The following DSG4 variants were observed in gnomAD, a reference collection of about 807,000 sequenced individuals.
The protein encoded by DSG4 is desmoglein-4.
In DSG4, 87 loss-of-function variants were observed where a neutral mutation model predicts 93.1. The observed-to-expected ratio is 0.93, with a 90% confidence interval of 0.79 to 1.12. The LOEUF (loss-of-function observed/expected upper bound fraction) is 1.12. Ranked by LOEUF, DSG4 falls within the 50% of genes most tolerant of loss-of-function variation. DSG4 has a pLI of 0.00. For synonymous variants in DSG4, 432 were observed against 452.9 expected (o/e 0.95, Z 0.59); for missense variants, 1,373 against 1,285.7 (o/e 1.07, Z -1.04).
At chr18:31,386,376 G>C (rs1016161170) in intron 2 of DSG4, among the ~76,000 whole-genome samples, 2 of 152,054 alleles carry the variant, frequency 1.3e-5, no homozygotes, top group African/African-American at 4.8e-5. Flanking sequence ...GCTCCTATAT[G>C]GTGAAGATAG....
chr18:31,387,913 C>G (rs1329734189), intron 3 of DSG4, among the ~76,000 whole-genome samples: 2 of 152,098 alleles, frequency 1.3e-5, no homozygotes, highest in Non-Finnish European at 2.9e-5. Flanking sequence ...TTACAAATAT[C>G]TCTAACCATT....
intron 12 of DSG4, among the ~76,000 whole-genome samples, chr18:31,408,870 CAAAT>C (rs2072455271): frequency 6.6e-6 from 1 of 152,144 alleles, no homozygotes; most frequent in Admixed American, 6.5e-5. Context: ...ATTAGGGTAA[CAAAT>C]AGGAAATTTC....
chr18:31,404,368 T>C (rs991097960), intron 11 of DSG4, among the ~76,000 whole-genome samples: 17 of 152,342 alleles, frequency 1.1e-4, no homozygotes, highest in African/African-American at 2.6e-4. Context: ...AAATTAAGAA[T>C]AAATTTCAGA....
At chr18:31,388,833 C>G in intron 4 of DSG4, 41 bp from the exon 5 acceptor site, 1 of 1,612,910 alleles carries the variant, frequency 6.2e-7, no homozygotes, top group Non-Finnish European at 8.5e-7. Flanking sequence ...TACTAAAATT[C>G]CTTTGGTGGA....
At position 31,405,039 on chromosome 18, in the gene DSG4, C is replaced by T. The variant is rs537476958; in HGVS notation, c.1637-1038C>T. On this transcript the variant is annotated intron_variant, in intron 11 of 15. Coordinates refer to ENST00000308128, the MANE Select transcript of DSG4 (RefSeq NM_177986.5). ...TTTCACTTAATGTGCTGTGGCATTG[C>T]CTTATCTCATTTTTACCTTGTGCAC... 2.0e-4 allele frequency among the ~76,000 whole-genome samples: 31 copies of T among 152,296 alleles called. 1 individual carries two copies. The South Asian group carries it at 5.8e-3, about 28-fold the overall frequency.
At chr18:31,377,694 A>C (rs916379415) in intron 1 of DSG4, among the ~76,000 whole-genome samples, 5 of 152,232 alleles carry the variant, frequency 3.3e-5, no homozygotes, top group African/African-American at 1.2e-4. Context: ...AGAAAGAGAT[A>C]ATTCCAACTC....
At chr18:31,378,319 G>A (rs910174605) in intron 1 of DSG4, among the ~76,000 whole-genome samples, 1 of 152,190 alleles carries the variant, frequency 6.6e-6, no homozygotes, top group African/African-American at 2.4e-5. Context: ...GAAATAGTAA[G>A]TTATGAGGAT....
chr18:31,385,298 C>G, intron 2 of DSG4, 127 bp downstream of exon 2: 1 of 686,676 alleles, frequency 1.5e-6, no homozygotes, highest in Non-Finnish European at 2.4e-6. Context: ...AGAGAAAGAA[C>G]TAGTGAACTG....
Position 31,413,508 on chromosome 18 carries a change from C to T in DSG4, c.3036C>T (p.Pro1012=). The T allele has an allele frequency of 1.2e-6, 2 of 1,613,884 alleles. No homozygotes were observed. Among genetic ancestry groups the T allele is most frequent in the Non-Finnish European group, 1.7e-6 (2 of 1,179,910 alleles). Residue 1012 remains proline (P), a synonymous_variant, in exon 16 of 16, where the codon CCC becomes CCT. Coordinates refer to ENST00000308128, the MANE Select transcript of DSG4 (RefSeq NM_177986.5). ...QVMQMMSPDL[P]IGQTVGSTSP... ...TGCAAATGATGAGTCCAGACCTTCC[C>T]ATAGGCCAAACCGTTGGCTCCACAT...
At chr18:31,381,151 T>C (rs552565951) in intron 1 of DSG4, among the ~76,000 whole-genome samples, 2 of 152,302 alleles carry the variant, frequency 1.3e-5, no homozygotes, top group East Asian at 3.9e-4. Flanking sequence ...TTATCTTTCT[T>C]ACCAAGTCAC....
In DSG4 at chr18:31,390,778, T is replaced by G; in HGVS notation, c.640T>G (p.Tyr214Asp). Residue 214 changes from tyrosine to aspartate, a missense_variant, in exon 6 of 16, where the codon TAC becomes GAC. Tyr to Asp is a radical substitution (Grantham distance 160). Coordinates refer to ENST00000308128, the MANE Select transcript of DSG4 (RefSeq NM_177986.5). Reference sequence around the variant, plus strand: ...TGCACCCATGTTCATTCTGAATAGGTACACTGGAGAAGTCTGCACCATGTC... The same window carrying G: ...TGCACCCATGTTCATTCTGAATAGGGACACTGGAGAAGTCTGCACCATGTC... ...SGAPMFILNR[Y>D]TGEVCTMSSF... is the part of the protein sequence containing the mutation. The G allele has an allele frequency of 6.2e-7, 1 of 1,613,742 alleles. No homozygotes were observed. The highest frequency in any genetic ancestry group is 8.5e-7 in the Non-Finnish European group (1 of 1,179,782).
Position 31,399,395 on chromosome 18 carries a change from G to A in DSG4, c.1129G>A (p.Val377Ile), listed in dbSNP as rs779783386. The A allele has an allele frequency of 1.5e-5, 25 of 1,613,982 alleles. No homozygotes were observed. The highest frequency in any genetic ancestry group is 1.6e-4 in the Middle Eastern group (1 of 6,084). Residue 377 changes from valine (V) to isoleucine (I), a missense_variant, in exon 9 of 16, where the codon GTT becomes ATT. Val to Ile is a conservative substitution (Grantham distance 29). Transcript: ENST00000308128. ...MHPTPVRIQV[V>I]DVREGPAFHP... Reference sequence around the variant, plus strand: ...CCCAACCCCTGTGAGAATTCAAGTTGTTGATGTGAGAGAAGGACCTGCATT... The same window carrying A: ...CCCAACCCCTGTGAGAATTCAAGTTATTGATGTGAGAGAAGGACCTGCATT...
At chr18:31,411,202 G>A in intron 14 of DSG4, 29 bp from the exon 15 acceptor site, 2 of 1,614,166 alleles carry the variant, frequency 1.2e-6, no homozygotes, top group Non-Finnish European at 1.7e-6. Context: ...CAACTCCAGC[G>A]CTGTTAAACC....
In DSG4 at chr18:31,406,086, C is replaced by T. The variant is rs1267795113; in HGVS notation, c.1646C>T (p.Ala549Val). The part of the protein sequence containing the change: ...WDVRSTNATS[A>V]ILTAKQVLSP... Reference sequence around the variant, plus strand: ...CTCTCTTCCATTTCAGCTACCTCGGCAATCCTTACGGCTAAGCAGGTTTTA... The same window carrying T: ...CTCTCTTCCATTTCAGCTACCTCGGTAATCCTTACGGCTAAGCAGGTTTTA... Residue 549 changes from alanine to valine, a missense_variant, in exon 12 of 16, where the codon GCA becomes GTA. Transcript: ENST00000308128. 1.9e-6 allele frequency: 3 copies of T among 1,613,936 alleles called. No homozygotes were observed. The highest frequency in any genetic ancestry group is 1.3e-5 in the African/African-American group (1 of 74,902).
intron 2 of DSG4, among the ~76,000 whole-genome samples, chr18:31,386,078 A>G (rs2072183838): frequency 6.6e-6 from 1 of 152,132 alleles, no homozygotes; most frequent in African/African-American, 2.4e-5. Flanking sequence ...GATACAAATG[A>G]CAGCATTGCA....
chr18:31,396,478 C>T (rs112988951), intron 8 of DSG4, among the ~76,000 whole-genome samples: 20 of 150,802 alleles, frequency 1.3e-4, no homozygotes, highest in Admixed American at 4.0e-4. Context: ...CATCAGCCTC[C>T]GGAGTAGCTG....
intron 8 of DSG4, among the ~76,000 whole-genome samples, chr18:31,398,587 T>G (rs1454187656): frequency 6.6e-6 from 1 of 152,232 alleles, no homozygotes; most frequent in African/African-American, 2.4e-5. Context: ...CAACTACTTT[T>G]TCATTGTGAC....
chr18:31,395,623 A>T (rs2072297343), intron 8 of DSG4, among the ~76,000 whole-genome samples: 1 of 152,164 alleles, frequency 6.6e-6, no homozygotes, highest in Admixed American at 6.5e-5. Context: ...CTCCATTTTC[A>T]TTCGGGATAC....
intron 1 of DSG4, chr18:31,382,492 C>T (rs569446509): frequency 6.6e-6 from 1 of 152,292 alleles, no homozygotes; most frequent in South Asian, 2.1e-4. Flanking sequence ...CCTAGGAGTC[C>T]ATGACTACTT....
Sources: allele counts gnomAD v4.1 joint callset (sites outside exome capture counted in the v4.1 genomes callset), GRCh38; gene constraint gnomAD v4.1.1; transcripts MANE v1.5; gene names NCBI Gene and HGNC (gene_info 2026-07-23, HGNC 2026-07-21).